Variants in PCGF2 observed in about 807,000 individuals in gnomAD.
The protein encoded by PCGF2 is polycomb group RING finger protein 2.
Under a neutral mutation model 36.1 loss-of-function variants are expected in PCGF2, and 8 were observed. The ratio of observed to expected loss-of-function variants is 0.22; its 90% confidence interval spans 0.13 to 0.40. The LOEUF is 0.40. PCGF2 is among the 10% of genes least tolerant of loss of function. PCGF2 has a pLI of 1.00. For missense variants in PCGF2, 436 were observed against 475.9 expected, an observed-to-expected ratio of 0.92 and a Z score of 0.78; for synonymous variants, 198 against 191.2, an observed-to-expected ratio of 1.04 and a Z score of -0.29.
rs199504647 is a variant in PCGF2 at position 38,738,591 on chromosome 17, G to C, written c.430C>G (p.Arg144Gly). The C allele has an allele frequency of 1.3e-6, 2 of 1,571,594 alleles. No individual in the cohort carries two copies. The highest frequency in any genetic ancestry group is 4.5e-5 in the East Asian group (2 of 44,546). Residue 144 changes from arginine (R) to glycine (G), a missense_variant, in exon 8 of 11, where the codon CGG becomes GGG. By Grantham distance (125) the Arg-to-Gly change is moderately radical. Around this residue, in one of 3 missense-constraint regions of PCGF2, gnomAD observed 189 missense variants for 219.3 expected, o/e 0.86. Coordinates refer to ENST00000620225, the MANE Select transcript of PCGF2 (RefSeq NM_007144.3). ...TCCAGGGGGCCCTTCTTCTCGTCCC[G>C]GTCCCTGGGGACGGAGAAAGAATGA... ...SIEFYEGARD[R>G]DEKKGPLENG...
chr17:38,741,976 G>T (rs143754873), intron 2 of PCGF2, among the ~76,000 whole-genome samples: 5 of 152,000 alleles, frequency 3.3e-5, no homozygotes, highest in Admixed American at 2.6e-4. Context: ...CCCTGGTGAC[G>T]CCTCTGCCAC....
In PCGF2 at chr17:38,738,558, C is replaced by T. The variant is rs1906943482; in HGVS notation, c.463G>A (p.Asp155Asn). ...GCACTCACTTTCTCTTTGTCCCCAT[C>T]CCCATTCTCCAGGGGGCCCTTCTTC... ...DEKKGPLENG[D>N]GDKEKTGVRF... The change falls in exon 8 of 11, where the codon GAT (aspartate) becomes AAT (asparagine). Residue 155 changes from aspartate to asparagine, a missense_variant. By Grantham distance (23) the Asp-to-Asn change is conservative. Transcript: ENST00000620225. The T allele has an allele frequency of 6.3e-7, 1 of 1,593,736 alleles. No homozygotes were observed. The highest frequency in any genetic ancestry group is 8.6e-7 in the Non-Finnish European group (1 of 1,168,424).
chr17:38,744,038 G>T (rs765353320), intron 2 of PCGF2, among the ~76,000 whole-genome samples: 34 of 152,112 alleles, frequency 2.2e-4, no homozygotes, highest in Non-Finnish European at 2.6e-4. Flanking sequence ...GCTTTAACAG[G>T]TCAGTCCCAA....
upstream of PCGF2, among the ~76,000 whole-genome samples, chr17:38,749,035 CG>C (rs914683144): frequency 1.3e-5 from 2 of 152,140 alleles, no homozygotes; most frequent in Non-Finnish European, 2.9e-5. This position sits in a 1 kb window ranked among gnomAD's most constrained non-coding sequence, Gnocchi z 6.5. Flanking sequence ...GGCCTCGCCG[CG>C]GGGGGATCGG....
chr17:38,740,582 AC>A, intron 2 of PCGF2, 140 bp from the exon 3 acceptor site: 1 of 584,360 alleles, frequency 1.7e-6, no homozygotes, highest in Non-Finnish European at 2.9e-6. Flanking sequence ...ACATGGTGAA[AC>A]CCCATCTCTA....
At chr17:38,745,958 A>G (rs568711568) in intron 2 of PCGF2, among the ~76,000 whole-genome samples, 1 of 152,274 alleles carries the variant, frequency 6.6e-6, no homozygotes, top group Non-Finnish European at 1.5e-5. Context: ...CAGGGGTTTT[A>G]TGACTCTGTT....
rs762948579 is a variant in PCGF2 at position 38,739,361 on chromosome 17, C to A, written c.210-108G>T. 9.3e-7 allele frequency: 1 copy of A among 1,074,424 alleles called. No individual in the cohort carries two copies. The highest frequency in any genetic ancestry group is 1.9e-5 in the Admixed American group (1 of 53,912). The allele number at this position is 1,074,424 out of a possible 1,614,324, so 66.6% of individuals were successfully genotyped here. ...CCTCTTCCCACCCCCTTCCTGAGACCGGTGCCCAGGCATTAGGATCCCTGT... is the reference window on the plus strand; with the variant it reads ...CCTCTTCCCACCCCCTTCCTGAGACAGGTGCCCAGGCATTAGGATCCCTGT... On this transcript the variant is annotated intron_variant, in intron 4 of 10. Coordinates refer to ENST00000620225, the MANE Select transcript of PCGF2 (RefSeq NM_007144.3). This position sits in a 1 kb window ranked among gnomAD's most constrained non-coding sequence, Gnocchi z 4.0.
intron 2 of PCGF2, among the ~76,000 whole-genome samples, chr17:38,745,090 C>T (rs1285698597): frequency 1.3e-5 from 2 of 151,994 alleles, no homozygotes; most frequent in African/African-American, 2.4e-5. Flanking sequence ...CCCAGCACTT[C>T]GGGAGGCCAA....
At chr17:38,740,233 G>T in intron 3 of PCGF2, 58 bp downstream of exon 3, 1 of 1,481,784 alleles carries the variant, frequency 6.7e-7, no homozygotes, top group Non-Finnish European at 9.4e-7. Context: ...GGCCGTGCCC[G>T]CCCCAATCTG....
intron 2 of PCGF2, among the ~76,000 whole-genome samples, chr17:38,746,962 AG>A (rs892091280): frequency 1.3e-5 from 2 of 152,170 alleles, no homozygotes; most frequent in African/African-American, 4.8e-5. Flanking sequence ...AAACTGCCAG[AG>A]GTCCCAGAGG....
At chr17:38,741,481 C>T (rs917300813) in intron 2 of PCGF2, among the ~76,000 whole-genome samples, 4 of 152,206 alleles carry the variant, frequency 2.6e-5, no homozygotes, top group East Asian at 1.9e-4. Flanking sequence ...CCTTCCACTA[C>T]GTCCCAGCCT....
At chr17:38,742,849 T>C (rs1907289818) in intron 2 of PCGF2, among the ~76,000 whole-genome samples, 1 of 152,200 alleles carries the variant, frequency 6.6e-6, no homozygotes, top group African/African-American at 2.4e-5. Context: ...CTGTCAGTCA[T>C]ATGTGTGTCC....
Position 38,735,213 on chromosome 17 carries a change from G to T in PCGF2, c.*10C>A. The T allele has an allele frequency of 7.1e-7, 1 of 1,408,604 alleles. No homozygotes were observed. The highest frequency in any genetic ancestry group is 9.3e-7 in the Non-Finnish European group (1 of 1,071,754). 87.3% of individuals were successfully genotyped at this position (1,408,604 alleles called of 1,614,324 possible). On this transcript the variant is annotated 3_prime_UTR_variant, in exon 11 of 11. Transcript: ENST00000620225. ...AGGCTTGGCTGGAAGAAGGGAGAGG[G>T]TCCCTGGCCTCAAGTTAAGGGGGGC... is the stretch of plus-strand genomic sequence containing the variant.
At chr17:38,744,873 G>A (rs74648741) in intron 2 of PCGF2, among the ~76,000 whole-genome samples, 273 of 152,300 alleles carry the variant, frequency 1.8e-3, no homozygotes, top group African/African-American at 6.4e-3. Context: ...AGTCACTCAA[G>A]GTCACATCCA....
intron 2 of PCGF2, among the ~76,000 whole-genome samples, chr17:38,741,110 G>A (rs1449563149): frequency 1.3e-5 from 2 of 151,814 alleles, no homozygotes; most frequent in Non-Finnish European, 2.9e-5. Flanking sequence ...ATCCCAAGTC[G>A]GGCACAGTGG....
intron 2 of PCGF2, chr17:38,746,418 C>T (rs1241092499): frequency 6.5e-6 from 1 of 152,792 alleles, no homozygotes; most frequent in Non-Finnish European, 1.5e-5. Context: ...CCTAGAAGCA[C>T]ACAGCCTGAC....
Position 38,739,969 on chromosome 17 carries a change from T to C in PCGF2, c.113-287A>G, listed in dbSNP as rs1040964459. ...GGGACAAAAGCCAGCGTGTTCAAGA[T>C]GCCTCTGAGTCCCACCCCCCTGCTG... is the stretch of plus-strand genomic sequence containing the variant. On this transcript the variant is annotated intron_variant, in intron 3 of 10. Transcript: ENST00000620225. The surrounding 1 kb of genome is among the most constrained non-coding windows in gnomAD (Gnocchi z 4.0). Among the ~76,000 whole-genome samples, 4 of 152,098 alleles carry C rather than the reference T, an allele frequency of 2.6e-5. No individual in the cohort carries two copies. The highest frequency in any genetic ancestry group is 5.9e-5 in the Non-Finnish European group (4 of 68,002).
chr17:38,741,445 C>T (rs1907196053), intron 2 of PCGF2, among the ~76,000 whole-genome samples: 1 of 152,094 alleles, frequency 6.6e-6, no homozygotes, highest in Admixed American at 6.6e-5. Context: ...AACCCCTCCA[C>T]CCAGGTGCAG....
rs1907034132 is a variant in PCGF2, at chr17:38,739,568, G to A, written c.209+18C>T. 3.8e-6 allele frequency: 6 copies of A among 1,580,938 alleles called. No homozygotes were observed. Among genetic ancestry groups the A allele is most frequent in the Non-Finnish European group, 5.2e-6 (6 of 1,149,706 alleles). On this transcript the variant is annotated intron_variant, in intron 4 of 10. Coordinates refer to ENST00000620225, the MANE Select transcript of PCGF2 (RefSeq NM_007144.3). The surrounding 1 kb of genome is among the most constrained non-coding windows in gnomAD (Gnocchi z 4.0). The stretch of plus-strand genomic sequence containing the variant: ...ACCCAGAGGATCGCGGGGACAGGAG[G>A]TGCCGTGCCAAGCCCACCTGATGCT...
Sources: allele counts gnomAD v4.1 joint callset (sites outside exome capture counted in the v4.1 genomes callset), GRCh38; gene constraint gnomAD v4.1.1; regional missense constraint gnomAD v4.1.1; non-coding constraint Gnocchi (gnomAD v3.1); transcripts MANE v1.5; gene names NCBI Gene and HGNC (gene_info 2026-07-23, HGNC 2026-07-21).